The following JAM2 variants were observed in gnomAD, a reference collection of about 807,000 sequenced individuals.
JAM2 encodes the protein junctional adhesion molecule 2, also known as junctional adhesion molecule B.
A neutral mutation model predicts 42.0 loss-of-function variants in JAM2; 17 were observed. That is an observed-to-expected ratio of 0.40 (90% confidence interval 0.28 to 0.61). JAM2 has a LOEUF of 0.61. Ranked by LOEUF, JAM2 falls within the 20% of genes least tolerant of loss-of-function variation. The pLI is 0.37. For synonymous variants in JAM2, 118 were observed against 128.6 expected (o/e 0.92, Z 0.56); for missense variants, 319 against 358.3 (o/e 0.89, Z 0.89).
At chr21:25,686,980 G>GA (rs2033765440) in intron 2 of JAM2, among the ~76,000 whole-genome samples, 1 of 152,150 alleles carries the variant, frequency 6.6e-6, no homozygotes, top group Non-Finnish European at 1.5e-5. Flanking sequence ...CCCCTTAATA[G>GA]AAAAGACTTG....
At chr21:25,649,747 A>C (rs1460452703) in intron 1 of JAM2, among the ~76,000 whole-genome samples, 2 of 152,172 alleles carry the variant, frequency 1.3e-5, no homozygotes, top group Non-Finnish European at 2.9e-5. Flanking sequence ...AGACTGTTTT[A>C]GTCTATTTCT....
At chr21:25,677,497 A>T (rs533261916) in intron 1 of JAM2, among the ~76,000 whole-genome samples, 2 of 152,316 alleles carry the variant, frequency 1.3e-5, no homozygotes, top group Non-Finnish European at 2.9e-5. Context: ...CAAGTAGAAA[A>T]CTGTAATTGA....
chr21:25,647,842 TA>T (rs2123308100), intron 1 of JAM2, among the ~76,000 whole-genome samples: 1 of 152,142 alleles, frequency 6.6e-6, no homozygotes, highest in Admixed American at 6.5e-5. Flanking sequence ...TGACCACAAA[TA>T]AAAAGGGAAC....
At chr21:25,711,062 G>C (rs535959350) in intron 8 of JAM2, among the ~76,000 whole-genome samples, 15 of 152,328 alleles carry the variant, frequency 9.8e-5, no homozygotes, top group African/African-American at 3.4e-4. Context: ...ATCGAAGATG[G>C]CTTCAAGGTT....
At chr21:25,651,334 T>C (rs1250975598) in intron 1 of JAM2, among the ~76,000 whole-genome samples, 1 of 152,214 alleles carries the variant, frequency 6.6e-6, no homozygotes, top group South Asian at 2.1e-4. Context: ...TAAATGGTTC[T>C]TCAAATATGA....
intron 1 of JAM2, among the ~76,000 whole-genome samples, chr21:25,649,962 A>C (rs1247276363): frequency 6.6e-6 from 1 of 152,174 alleles, no homozygotes; most frequent in Non-Finnish European, 1.5e-5. Flanking sequence ...GACAAAACAC[A>C]AGTGATGGCC....
At chr21:25,678,239 A>G (rs1423128352) in intron 1 of JAM2, among the ~76,000 whole-genome samples, 1 of 152,166 alleles carries the variant, frequency 6.6e-6, no homozygotes, top group Non-Finnish European at 1.5e-5. Context: ...AATTTAAAAA[A>G]TAAAAAATAA....
intron 3 of JAM2, among the ~76,000 whole-genome samples, chr21:25,690,438 C>T (rs948705774): frequency 5.3e-5 from 8 of 152,096 alleles, no homozygotes; most frequent in Non-Finnish European, 1.0e-4. Flanking sequence ...AAGTTATCCT[C>T]CCATCTCAGT....
chr21:25,666,012 C>T (rs540712764), intron 1 of JAM2, among the ~76,000 whole-genome samples: 14 of 152,070 alleles, frequency 9.2e-5, no homozygotes, highest in African/African-American at 2.9e-4. Flanking sequence ...TGCACTCCAG[C>T]CCGGGTGATA....
Position 25,717,502 on chromosome 21 carries a change from C to CAAAGTTGTATTGA in JAM2, c.*2834_*2835insTTGTATTGAAAAG. 2 of 950,224 alleles carry CAAAGTTGTATTGA rather than the reference C, an allele frequency of 2.1e-6. No individual in the cohort carries two copies. The highest frequency in any genetic ancestry group is 2.9e-6 in the Non-Finnish European group (2 of 689,344). 58.9% of individuals were successfully genotyped at this position (950,224 alleles called of 1,614,324 possible). Reference sequence around the variant, plus strand: ...TTGATTGCTTTTCAATACAACTTTGCAAAGAACTTCCTTTTTCCACAGGTG... The same window carrying CAAAGTTGTATTGA: ...TTGATTGCTTTTCAATACAACTTTGCAAAGTTGTATTGAAAAGAACTTCCTTTTTCCACAGGTG... On this transcript the variant is annotated 3_prime_UTR_variant, in exon 10 of 10. Transcript: ENST00000480456.
intron 1 of JAM2, among the ~76,000 whole-genome samples, chr21:25,648,457 T>C (rs1156465859): frequency 6.6e-6 from 1 of 151,758 alleles, no homozygotes; most frequent in Non-Finnish European, 1.5e-5. Flanking sequence ...TGTTTGTGTG[T>C]GTGTGTGTGT....
intron 6 of JAM2, among the ~76,000 whole-genome samples, 192 bp downstream of exon 6, chr21:25,702,461 A>G (rs1471928425): frequency 6.6e-6 from 1 of 152,230 alleles, no homozygotes; most frequent in Non-Finnish European, 1.5e-5. Flanking sequence ...CATCTCCCAA[A>G]TAAGCCAAAA....
In JAM2 at chr21:25,702,016, T is replaced by C. The variant is rs140677529; in HGVS notation, c.598-154T>C. On this transcript the variant is annotated intron_variant, in intron 5 of 9. Coordinates refer to ENST00000480456, the MANE Select transcript of JAM2 (RefSeq NM_021219.4). The stretch of plus-strand genomic sequence containing the variant: ...GTCTAGCTTAAACTCCTTGAAGTCA[T>C]GGCAGATTTTTAAATTCATAGTAAA... 1.9e-3 allele frequency among the ~76,000 whole-genome samples: 294 copies of C among 152,282 alleles called. 1 individual carries two copies. The highest frequency in any genetic ancestry group is 6.7e-3 in the African/African-American group (278 of 41,564).
At chr21:25,672,038 G>A (rs1376417953) in intron 1 of JAM2, among the ~76,000 whole-genome samples, 1 of 152,078 alleles carries the variant, frequency 6.6e-6, no homozygotes, top group Non-Finnish European at 1.5e-5. Context: ...TAGCGTGGGA[G>A]GTGGAGAGAG....
intron 2 of JAM2, among the ~76,000 whole-genome samples, chr21:25,685,607 T>A (rs1458471475): frequency 6.6e-6 from 1 of 152,030 alleles, no homozygotes; most frequent in African/African-American, 2.4e-5. Flanking sequence ...ATTATTAGGT[T>A]AACTAAGTTC....
At chr21:25,649,972 C>T (rs950844774) in intron 1 of JAM2, among the ~76,000 whole-genome samples, 2 of 152,136 alleles carry the variant, frequency 1.3e-5, no homozygotes, top group East Asian at 3.9e-4. Context: ...AAGTGATGGC[C>T]TCATTTTTTA....
chr21:25,707,240 G>T (rs2034291417), intron 7 of JAM2, among the ~76,000 whole-genome samples: 1 of 152,110 alleles, frequency 6.6e-6, no homozygotes, highest in African/African-American at 2.4e-5. Flanking sequence ...CTACCACTTT[G>T]GGAGTCTGAG....
chr21:25,650,372 C>T (rs2032738366), intron 1 of JAM2, among the ~76,000 whole-genome samples: 1 of 152,082 alleles, frequency 6.6e-6, no homozygotes, highest in African/African-American at 2.4e-5. Context: ...AAAAAATTAC[C>T]CCTGGATCCA....
intron 1 of JAM2, among the ~76,000 whole-genome samples, chr21:25,649,372 T>C (rs754103453): frequency 2.6e-5 from 4 of 152,154 alleles, no homozygotes; most frequent in Non-Finnish European, 5.9e-5. Context: ...CTTTACTTGA[T>C]GGCCGGAAGC....
Sources: allele counts gnomAD v4.1 joint callset (sites outside exome capture counted in the v4.1 genomes callset), GRCh38; gene constraint gnomAD v4.1.1; transcripts MANE v1.5; gene names NCBI Gene and HGNC (gene_info 2026-07-23, HGNC 2026-07-21).